The following SPATA16 variants were observed in gnomAD, a reference collection of about 807,000 sequenced individuals.
The protein encoded by SPATA16 is spermatogenesis-associated protein 16.
In SPATA16, 36 loss-of-function variants were observed where a neutral mutation model predicts 63.3. The ratio of observed to expected loss-of-function variants is 0.57; its 90% CI spans 0.44 to 0.75. SPATA16 has a LOEUF of 0.75. Among genes scored for constraint, SPATA16 ranks in the 30% least tolerant of loss-of-function variants. SPATA16 has a pLI of 0.00. For missense variants in SPATA16, 646 were observed against 679.3 expected (o/e 0.95, Z 0.54); for synonymous variants, 203 against 216.7 (o/e 0.94, Z 0.56).
chr3:172,916,143 C>G (rs1255195931), intron 9 of SPATA16, among the ~76,000 whole-genome samples, 174 bp downstream of exon 9: 1 of 152,116 alleles, frequency 6.6e-6, no homozygotes, highest in Non-Finnish European at 1.5e-5. Context: ...AAACCAGACA[C>G]ACACCTTCCT....
chr3:172,897,608 A>C (rs1732032779), intron 10 of SPATA16, among the ~76,000 whole-genome samples: 1 of 152,066 alleles, frequency 6.6e-6, no homozygotes, highest in African/African-American at 2.4e-5. Flanking sequence ...ATAAAAATAC[A>C]ACTGAGTTTT....
At chr3:173,015,998 T>G (rs1735178533) in intron 4 of SPATA16, among the ~76,000 whole-genome samples, 1 of 152,112 alleles carries the variant, frequency 6.6e-6, no homozygotes, top group Non-Finnish European at 1.5e-5. Context: ...TTAAAAAGCT[T>G]TGCAACTTTC....
chr3:172,967,055 G>A (rs1259959170), intron 5 of SPATA16, among the ~76,000 whole-genome samples: 1 of 152,136 alleles, frequency 6.6e-6, no homozygotes, highest in African/African-American at 2.4e-5. Flanking sequence ...AGACTGGAAG[G>A]CAAAGTCTCT....
At chr3:172,893,697 G>C (rs1414409421) in intron 10 of SPATA16, among the ~76,000 whole-genome samples, 1 of 152,104 alleles carries the variant, frequency 6.6e-6, no homozygotes, top group Non-Finnish European at 1.5e-5. Flanking sequence ...TACTTGGTTG[G>C]TGCCCCCTGG....
chr3:172,929,146 T>G (rs566828965), intron 6 of SPATA16, among the ~76,000 whole-genome samples: 5 of 152,322 alleles, frequency 3.3e-5, no homozygotes, highest in African/African-American at 1.2e-4. Flanking sequence ...CAAAAGAAAC[T>G]TGGGAGAAAC....
At chr3:173,000,315 G>C (rs1340483915) in intron 4 of SPATA16, among the ~76,000 whole-genome samples, 1 of 152,178 alleles carries the variant, frequency 6.6e-6, no homozygotes, top group Non-Finnish European at 1.5e-5. Context: ...AAAGTGCCCA[G>C]TCTAATGTAT....
chr3:173,067,828 G>T (rs1475167294), intron 2 of SPATA16, among the ~76,000 whole-genome samples: 2 of 152,034 alleles, frequency 1.3e-5, no homozygotes, highest in Non-Finnish European at 1.5e-5. Flanking sequence ...AACTCTCAAA[G>T]CTCAAGGATA....
chr3:172,894,879 GC>G (rs1731977213), intron 10 of SPATA16, among the ~76,000 whole-genome samples: 1 of 152,160 alleles, frequency 6.6e-6, no homozygotes, highest in Non-Finnish European at 1.5e-5. Flanking sequence ...GTCTGCCACT[GC>G]CTTGATTTTC....
intron 5 of SPATA16, among the ~76,000 whole-genome samples, chr3:172,965,009 A>T (rs1045365339): frequency 3.9e-5 from 6 of 152,188 alleles, no homozygotes; most frequent in South Asian, 2.1e-4. Context: ...GATTCTCTCT[A>T]TGCAGACTTT....
chr3:173,035,741 C>T (rs1354846150), intron 3 of SPATA16, among the ~76,000 whole-genome samples: 2 of 152,036 alleles, frequency 1.3e-5, no homozygotes, highest in African/African-American at 4.8e-5. Flanking sequence ...TGCAAATTTT[C>T]TATAGGTTCC....
intron 2 of SPATA16, among the ~76,000 whole-genome samples, chr3:173,111,423 A>G (rs749318061): frequency 6.6e-6 from 1 of 152,176 alleles, no homozygotes; most frequent in Non-Finnish European, 1.5e-5. Context: ...TCAAAAAACA[A>G]CAACAATAAC....
At chr3:172,977,424 G>A (rs1015935049) in intron 4 of SPATA16, among the ~76,000 whole-genome samples, 1 of 152,074 alleles carries the variant, frequency 6.6e-6, no homozygotes, top group Non-Finnish European at 1.5e-5. Flanking sequence ...TTCAAACCTA[G>A]CATAGCGTAT....
intron 8 of SPATA16, among the ~76,000 whole-genome samples, chr3:172,922,500 G>A (rs944460103): frequency 7.2e-5 from 11 of 152,196 alleles, no homozygotes; most frequent in African/African-American, 2.7e-4. Flanking sequence ...AATGAGTTAA[G>A]AACACTGAAA....
chr3:173,128,952 C>G lies in SPATA16; in HGVS notation c.-18-11203G>C, dbSNP rs571115562. Reference sequence around the variant, plus strand: ...GGTAACACTGGCACCTGGGCTTCCACGGATGAAGCAGTCTGCCAGAAAGAC... The same window carrying G: ...GGTAACACTGGCACCTGGGCTTCCAGGGATGAAGCAGTCTGCCAGAAAGAC... On this transcript the variant is annotated intron_variant, in intron 1 of 10. Coordinates refer to ENST00000351008, the MANE Select transcript of SPATA16 (RefSeq NM_031955.6). Among the ~76,000 whole-genome samples the G allele has an allele frequency of 2.3e-4, 35 of 152,348 alleles. 1 individual carries two copies. The South Asian group carries it at 4.3e-3, about 19-fold the overall frequency.
At chr3:172,909,376 G>A (rs1186491153) in intron 10 of SPATA16, among the ~76,000 whole-genome samples, 1 of 152,140 alleles carries the variant, frequency 6.6e-6, no homozygotes, top group African/African-American at 2.4e-5. Context: ...GGAATGTGGT[G>A]GGATTTGCTG....
intron 5 of SPATA16, among the ~76,000 whole-genome samples, chr3:172,962,536 G>A (rs1289085275): frequency 6.6e-6 from 1 of 152,020 alleles, no homozygotes; most frequent in African/African-American, 2.4e-5. Context: ...TAATACTTGT[G>A]TATTATTTTG....
intron 2 of SPATA16, among the ~76,000 whole-genome samples, chr3:173,063,628 G>T (rs1412590972): frequency 6.6e-6 from 1 of 152,114 alleles, no homozygotes; most frequent in Non-Finnish European, 1.5e-5. Flanking sequence ...TAGGACATTG[G>T]ATAATAACTG....
Position 173,117,640 on chromosome 3 carries a change from AT to A in SPATA16, c.91del (p.Met31CysfsTer4). The A allele has an allele frequency of 6.2e-7, 1 of 1,613,902 alleles. No homozygotes were observed. Among genetic ancestry groups the A allele is most frequent in the South Asian group, 1.1e-5 (1 of 91,076 alleles). ...GTTAGGTGGGTGCGCTAAGGTGGAC[AT>A]TTTCTTGCTTGTGTTTATCTTTGGA... Reference protein sequence around the residue: ...LVPKINTSKKMSTLAHPPNIL... With the variant: ...LVPKINTSKKXSTLAHPPNIL... On this transcript the variant is annotated frameshift_variant, in exon 2 of 11. Coordinates refer to ENST00000351008, the MANE Select transcript of SPATA16 (RefSeq NM_031955.6). LOFTEE classifies it high-confidence loss of function.
intron 2 of SPATA16, among the ~76,000 whole-genome samples, chr3:173,082,489 C>G (rs1021092071): frequency 3.3e-5 from 5 of 152,184 alleles, no homozygotes; most frequent in Non-Finnish European, 5.9e-5. Context: ...CAACCCAGAC[C>G]AAGCATTTAA....
Sources: allele counts gnomAD v4.1 joint callset (sites outside exome capture counted in the v4.1 genomes callset), GRCh38; gene constraint gnomAD v4.1.1; transcripts MANE v1.5; gene names NCBI Gene and HGNC (gene_info 2026-07-23, HGNC 2026-07-21).